Variants in MVD observed in about 807,000 individuals in gnomAD.
The protein encoded by MVD is diphosphomevalonate decarboxylase.
Under a neutral mutation model 42.4 loss-of-function variants are expected in MVD, and 52 were observed. The ratio of observed to expected loss-of-function variants is 1.23; its 90% CI spans 0.98 to 1.55. The LOEUF is 1.55. Among genes scored for constraint, MVD ranks in the 40% most tolerant of loss-of-function variants. The pLI is 0.00. For missense variants in MVD, 663 were observed against 572.1 expected (o/e 1.16, Z -1.62); for synonymous variants, 287 against 243.2 (o/e 1.18, Z -1.68).
In MVD at chr16:88,657,893, G is replaced by A. The variant is rs763386948; in HGVS notation, c.256+22C>T. 5.1e-5 allele frequency: 82 copies of A among 1,605,178 alleles called. No individual in the cohort carries two copies. The Admixed American group carries it at 7.3e-4, about 14-fold the overall frequency. Reference sequence around the variant, plus strand: ...CCCTGCTGACAACAGGGAGGGATGGGCTTATGGGGACCCCAGCTCACTCTC... The same window carrying A: ...CCCTGCTGACAACAGGGAGGGATGGACTTATGGGGACCCCAGCTCACTCTC... On this transcript the variant is annotated intron_variant, in intron 3 of 9. Coordinates refer to ENST00000301012, the MANE Select transcript of MVD (RefSeq NM_002461.3).
chr16:88,653,559 G>A, intron 8 of MVD, 151 bp from the exon 9 acceptor site: 1 of 624,376 alleles, frequency 1.6e-6, no homozygotes, highest in Non-Finnish European at 2.7e-6. Flanking sequence ...GTGGGGACAG[G>A]TTTCTTTTAG....
At chr16:88,660,217 C>T (rs1167790288) in intron 1 of MVD, among the ~76,000 whole-genome samples, 2 of 152,144 alleles carry the variant, frequency 1.3e-5, no homozygotes, top group Admixed American at 1.3e-4. Context: ...GGGAGGGGAA[C>T]CTGGACTTCT....
chr16:88,661,882 A>G (rs1174923758), intron 1 of MVD, among the ~76,000 whole-genome samples: 1 of 149,588 alleles, frequency 6.7e-6, no homozygotes, highest in Non-Finnish European at 1.5e-5. Context: ...ATATGTATAT[A>G]TACACACACA....
intron 1 of MVD, 76 bp downstream of exon 1, chr16:88,662,935 C>T: frequency 6.5e-7 from 1 of 1,546,450 alleles, no homozygotes; most frequent in South Asian, 1.2e-5. Context: ...AGCGCGCCGC[C>T]GAATCAGCGC....
rs1907601507 is a variant in MVD at position 88,652,106 on chromosome 16, G to A, written c.*419C>T. 1 of 244,484 alleles carries A rather than the reference G, an allele frequency of 4.1e-6. No homozygotes were observed. The allele number at this position is 244,484 out of a possible 1,614,324, so 15.1% of individuals were successfully genotyped here. On this transcript the variant is annotated 3_prime_UTR_variant, in exon 10 of 10. Coordinates refer to ENST00000301012, the MANE Select transcript of MVD (RefSeq NM_002461.3). Reference sequence around the variant, plus strand: ...TGGGCAGCCACCATCCGAGGCACTTGGTGGTTTCCTGAGGCCCAAGGAGGC... The same window carrying A: ...TGGGCAGCCACCATCCGAGGCACTTAGTGGTTTCCTGAGGCCCAAGGAGGC...
At chr16:88,657,053 G>C in intron 4 of MVD, 1 of 382,018 alleles carries the variant, frequency 2.6e-6, no homozygotes, top group Non-Finnish European at 5.1e-6. Flanking sequence ...GAGCCAGTTT[G>C]AAGTGGTTTC....
intron 1 of MVD, chr16:88,662,718 T>C (rs1908387839): frequency 1.4e-6 from 2 of 1,427,954 alleles, no homozygotes; most frequent in South Asian, 1.3e-5. Flanking sequence ...TTACGATTCA[T>C]GGGAATCGAT....
chr16:88,662,848 G>A, intron 1 of MVD, 163 bp downstream of exon 1: 2 of 1,436,424 alleles, frequency 1.4e-6, no homozygotes, highest in South Asian at 2.9e-5. Flanking sequence ...GGAGCGCGCG[G>A]CCCCGCCCGA....
chr16:88,652,223 TG>T lies in MVD; in HGVS notation c.*301del, dbSNP rs1163922213. 7.6e-6 allele frequency: 4 copies of T among 529,226 alleles called. No homozygotes were observed. The Admixed American group carries it at 1.3e-4, about 17-fold the overall frequency. 32.8% of individuals were successfully genotyped at this position (529,226 alleles called of 1,614,324 possible). On this transcript the variant is annotated 3_prime_UTR_variant, in exon 10 of 10. Coordinates refer to ENST00000301012, the MANE Select transcript of MVD (RefSeq NM_002461.3). ...TCAGAGAACTGGGCATAGCCAGAGC[TG>T]GGGTGAGAAAGCCCTTCAGCCCTGC...
chr16:88,657,782 G>T, intron 3 of MVD, 133 bp downstream of exon 3: 1 of 1,237,546 alleles, frequency 8.1e-7, no homozygotes, highest in Non-Finnish European at 1.1e-6. Flanking sequence ...GGAGCTGGCG[G>T]CCCAGCGGGC....
At chr16:88,662,972 C>T in intron 1 of MVD, 39 bp downstream of exon 1, 3 of 1,577,230 alleles carry the variant, frequency 1.9e-6, no homozygotes, top group Non-Finnish European at 2.6e-6. Flanking sequence ...CGGCCTCGCT[C>T]CCGGCCATCC....
chr16:88,661,542 C>G (rs1041868831), intron 1 of MVD, among the ~76,000 whole-genome samples: 1 of 151,924 alleles, frequency 6.6e-6, no homozygotes, highest in Non-Finnish European at 1.5e-5. Flanking sequence ...GTAATGAACT[C>G]TCCAAACTTA....
intron 1 of MVD, 63 bp from the exon 2 acceptor site, chr16:88,658,783 C>T: frequency 7.7e-7 from 1 of 1,303,960 alleles, no homozygotes; most frequent in South Asian, 1.3e-5. Context: ...CAGTGTTCCC[C>T]ACAGGTGCCC....
At chr16:88,656,558 G>C (rs1907942993) in intron 4 of MVD, 5 of 574,108 alleles carry the variant, frequency 8.7e-6, no homozygotes, top group Middle Eastern at 9.4e-4. Flanking sequence ...GCAACAAAAG[G>C]TACCTGCGGC....
chr16:88,656,490 G>A, intron 4 of MVD, 186 bp from the exon 5 acceptor site: 1 of 641,618 alleles, frequency 1.6e-6, no homozygotes, highest in Non-Finnish European at 2.7e-6. Context: ...ACCTCCGCTA[G>A]TTCCACTCTC....
Position 88,653,390 on chromosome 16 carries a change from C to T in MVD, c.1032G>A (p.Gln344=), listed in dbSNP as rs1300103644. The T allele has an allele frequency of 1.9e-6, 3 of 1,605,948 alleles. No homozygotes were observed. Among genetic ancestry groups the T allele is most frequent in the East Asian group, 2.2e-5 (1 of 44,562 alleles). ...CAGCTGAGAGAGGGGCCGGCCTCAC[C>T]TGCAGCCCCTTCAGAAACCTGGAAA... ...SNGDTFLKGL[Q]VRPAPLSAEL... Residue 344 remains glutamine (Q), a synonymous_variant, in exon 9 of 10, where the codon CAG becomes CAA. Coordinates refer to ENST00000301012, the MANE Select transcript of MVD (RefSeq NM_002461.3).
chr16:88,660,348 A>G (rs60755638), intron 1 of MVD, among the ~76,000 whole-genome samples: 2,350 of 152,348 alleles, frequency 0.015, 61 homozygotes, highest in African/African-American at 0.054. Flanking sequence ...ACACGTTTCC[A>G]TAAATATCAC....
rs1442198683 is a variant in MVD at position 88,655,653 on chromosome 16, T to TA, written c.678+2dup. On this transcript the variant is annotated splice_region_variant and intron_variant, in intron 6 of 9. Coordinates refer to ENST00000301012, the MANE Select transcript of MVD (RefSeq NM_002461.3). ...CCCCGGGACCACCCGCTCCTGGCCTTACCCGAAGCAGGGGGCTGGTCTCCA... is the reference window on the plus strand; with the variant it reads ...CCCCGGGACCACCCGCTCCTGGCCTTAACCCGAAGCAGGGGGCTGGTCTCCA... The TA allele has an allele frequency of 6.4e-7, 1 of 1,551,940 alleles. No individual in the cohort carries two copies. The highest frequency in any genetic ancestry group is 8.7e-7 in the Non-Finnish European group (1 of 1,148,116).
At position 88,656,125 on chromosome 16, in the gene MVD, G is replaced by T; in HGVS notation, c.583C>A (p.Leu195Ile). 1.2e-6 allele frequency: 2 copies of T among 1,601,544 alleles called. No homozygotes were observed. The highest frequency in any genetic ancestry group is 2.2e-5 in the East Asian group (1 of 44,874). The change falls in exon 5 of 10, where the codon CTC becomes ATC. Residue 195 changes from leucine to isoleucine, a missense_variant. Transcript: ENST00000301012. The stretch of plus-strand genomic sequence containing the variant: ...CTCACCACAAGGATGAGCACGCGGA[G>T]TTCAGGCCAGTGTGACTCGGGGGCC... Reference protein sequence around the residue: ...QVAPESHWPELRVLILVVSAE... With the variant: ...QVAPESHWPEIRVLILVVSAE...
Sources: gnomAD v4.1 joint callset for allele counts (sites outside exome capture counted in the v4.1 genomes callset) on GRCh38, gnomAD v4.1.1 for gene constraint, MANE v1.5 for transcripts, NCBI Gene and HGNC (gene_info 2026-07-23, HGNC 2026-07-21) for gene names.